The following SLC23A2 variants were observed in gnomAD, a reference collection of about 807,000 sequenced individuals.
SLC23A2 encodes the protein solute carrier family 23 member 2, also known as Na(+)/L-ascorbic acid transporter 2.
In SLC23A2, 36 loss-of-function variants were observed where a neutral mutation model predicts 73.3. The ratio of observed to expected loss-of-function variants is 0.49; its 90% confidence interval spans 0.38 to 0.65. The LOEUF (loss-of-function observed/expected upper bound fraction) is 0.65, where lower values mean the gene tolerates loss of function less well. Among genes scored for constraint, SLC23A2 ranks in the 30% least tolerant of loss-of-function variants. The pLI is 0.00. For synonymous variants in SLC23A2, 343 were observed against 327.3 expected (o/e 1.05, Z -0.52); for missense variants, 507 against 841.6 (o/e 0.60, Z 4.92).
At chr20:4,949,345 C>T (rs575347074) in intron 2 of SLC23A2, among the ~76,000 whole-genome samples, 2 of 150,964 alleles carry the variant, frequency 1.3e-5, no homozygotes, top group South Asian at 4.2e-4. Context: ...TTTGGCAATC[C>T]TGGCACTAGA....
chr20:4,977,125 A>G (rs989036927), intron 1 of SLC23A2, among the ~76,000 whole-genome samples: 1 of 152,258 alleles, frequency 6.6e-6, no homozygotes, highest in Non-Finnish European at 1.5e-5. Flanking sequence ...AAAACACTGT[A>G]TGATAAAATA....
At chr20:4,959,056 A>T (rs1206432142) in intron 2 of SLC23A2, among the ~76,000 whole-genome samples, 3 of 131,658 alleles carry the variant, frequency 2.3e-5, no homozygotes, top group African/African-American at 1.0e-4. Context: ...CTAAAAATAC[A>T]AAAAAAAAAA....
At chr20:4,869,634 G>C (rs1930357727) in intron 12 of SLC23A2, 1 of 412,656 alleles carries the variant, frequency 2.4e-6, no homozygotes, top group South Asian at 4.3e-5. Context: ...TGGTTTCGCA[G>C]AGAGTGTGTT....
At chr20:4,926,613 A>G (rs1187668788) in intron 3 of SLC23A2, among the ~76,000 whole-genome samples, 1 of 150,442 alleles carries the variant, frequency 6.6e-6, no homozygotes, top group Non-Finnish European at 1.5e-5. Flanking sequence ...AATTTGCCTA[A>G]CTAGAGTCCT....
chr20:4,971,654 G>T (rs2087562886), intron 1 of SLC23A2, among the ~76,000 whole-genome samples: 1 of 151,502 alleles, frequency 6.6e-6, no homozygotes, highest in African/African-American at 2.4e-5. Context: ...CGTCGTGGTG[G>T]CACACACCTG....
rs1489373163 is a variant in SLC23A2, at chr20:4,912,978, C to A, written c.109G>T (p.Val37Leu). 21 of 1,602,062 alleles carry A rather than the reference C, an allele frequency of 1.3e-5. No individual in the cohort carries two copies. Among genetic ancestry groups the A allele is most frequent in the Non-Finnish European group, 1.8e-5 (21 of 1,169,974 alleles). Residue 37 changes from valine (V) to leucine (L), a missense_variant and splice_region_variant, in exon 4 of 17, where the codon GTG (valine) becomes TTG (leucine). Around this residue, in one of 5 missense-constraint regions of SLC23A2, gnomAD observed 78 missense variants for 86.7 expected, o/e 0.90. Transcript: ENST00000338244. Reference protein sequence around the residue: ...AKHPAFFTLPVVINGGATSSG... With the variant: ...AKHPAFFTLPLVINGGATSSG... ...GAGGTGGCGCCTCCATTTATCACCA[C>A]CTGCAGAGACAATCCACTTAGAGGC...
In SLC23A2 at chr20:4,859,300, T is replaced by C; in HGVS notation, c.1709A>G (p.Asn570Ser). The change falls in exon 16 of 17, where the codon AAC becomes AGC. Residue 570 changes from asparagine (N) to serine (S), a missense_variant. Asn to Ser is a conservative substitution (Grantham distance 46). Around this residue, in one of 5 missense-constraint regions of SLC23A2, gnomAD observed 168 missense variants for 302.3 expected, o/e 0.56. Transcript: ENST00000338244. ...TATATACCACGTACCTGGGATGGTG[T>C]TATCCAGGATAAAAGCCACACAGCC... ...VGGCVAFILD[N>S]TIPGTPEERG... is the part of the protein sequence containing the mutation. The C allele has an allele frequency of 6.2e-7, 1 of 1,601,452 alleles. No individual in the cohort carries two copies. Among genetic ancestry groups the C allele is most frequent in the South Asian group, 1.1e-5 (1 of 90,840 alleles).
chr20:4,921,653 G>T (rs1600135982), intron 3 of SLC23A2, among the ~76,000 whole-genome samples: 1 of 150,380 alleles, frequency 6.6e-6, no homozygotes, highest in East Asian at 1.9e-4. Context: ...AATATTTTCT[G>T]TTACTACCAA....
chr20:4,953,418 GC>G (rs1319043154), intron 2 of SLC23A2, among the ~76,000 whole-genome samples: 2 of 151,992 alleles, frequency 1.3e-5, no homozygotes, highest in Non-Finnish European at 2.9e-5. Context: ...AGATGCTAAA[GC>G]CCTTCTCCCA....
intron 1 of SLC23A2, among the ~76,000 whole-genome samples, chr20:4,985,553 T>C (rs1200512574): frequency 6.6e-6 from 1 of 151,426 alleles, no homozygotes; most frequent in East Asian, 1.9e-4. Flanking sequence ...GTTCAAGCAA[T>C]ACCCCCACCT....
chr20:4,913,481 C>A (rs1413067714), intron 3 of SLC23A2, among the ~76,000 whole-genome samples: 7 of 152,174 alleles, frequency 4.6e-5, no homozygotes, highest in Non-Finnish European at 5.9e-5. Context: ...AATATTTTTA[C>A]TTTTTAGCCA....
At chr20:4,922,630 C>A (rs1285621162) in intron 3 of SLC23A2, among the ~76,000 whole-genome samples, 1 of 151,998 alleles carries the variant, frequency 6.6e-6, no homozygotes, top group Non-Finnish European at 1.5e-5. Flanking sequence ...AGTTTGAGAC[C>A]ATCCTGGCCA....
chr20:4,942,438 A>C (rs1273160923), intron 2 of SLC23A2, among the ~76,000 whole-genome samples: 1 of 152,066 alleles, frequency 6.6e-6, no homozygotes, highest in Non-Finnish European at 1.5e-5. Context: ...AAAAAAAATC[A>C]GCCATCTGGA....
chr20:4,893,835 TTCTAAGAGG>T (rs1312675570), intron 6 of SLC23A2, among the ~76,000 whole-genome samples: 1 of 152,134 alleles, frequency 6.6e-6, no homozygotes, highest in Non-Finnish European at 1.5e-5. Context: ...AGAGTGATGC[TTCTAAGAGG>T]GGCCTGGAGT....
intron 1 of SLC23A2, among the ~76,000 whole-genome samples, chr20:4,983,646 TAAAAAA>T (rs35983102): frequency 2.3e-5 from 2 of 86,192 alleles, no homozygotes; most frequent in Non-Finnish European, 4.7e-5. Context: ...ACTCCGTCTT[TAAAAAA>T]AAAAAAAAAA....
chr20:5,004,993 C>T (rs938738727), upstream of SLC23A2, among the ~76,000 whole-genome samples: 14 of 104,590 alleles, frequency 1.3e-4, no homozygotes, highest in East Asian at 8.4e-4. Flanking sequence ...GAATGAACTC[C>T]GTCTCAAAAA....
chr20:4,976,938 TGCACTTCAGCCTGGGTGGCTGAGA>T (rs1389648835), intron 1 of SLC23A2, among the ~76,000 whole-genome samples: 1 of 151,968 alleles, frequency 6.6e-6, no homozygotes, highest in East Asian at 1.9e-4. Flanking sequence ...ATCACACCAC[TGCACTTCAGCCTGGGTGGCTGAGA>T]GAAGCTCCAT....
intron 3 of SLC23A2, among the ~76,000 whole-genome samples, chr20:4,923,907 A>G (rs1478003382): frequency 2.0e-5 from 3 of 152,194 alleles, no homozygotes; most frequent in Non-Finnish European, 4.4e-5. Flanking sequence ...GAGGAACTGA[A>G]GCAGCCATTA....
At chr20:4,966,144 T>G (rs1305425443) in intron 2 of SLC23A2, among the ~76,000 whole-genome samples, 2 of 152,020 alleles carry the variant, frequency 1.3e-5, no homozygotes, top group Non-Finnish European at 2.9e-5. Flanking sequence ...ACATATAGAC[T>G]GGGGTAGGGG....
Sources: allele counts gnomAD v4.1 joint callset (sites outside exome capture counted in the v4.1 genomes callset), GRCh38; gene constraint gnomAD v4.1.1; regional missense constraint gnomAD v4.1.1; transcripts MANE v1.5; gene names NCBI Gene and HGNC (gene_info 2026-07-23, HGNC 2026-07-21).